Variants in SALL2 observed in about 807,000 individuals in gnomAD.
The protein encoded by SALL2 is sal-like protein 2.
A neutral mutation model predicts 58.5 loss-of-function variants in SALL2; 32 were observed. The observed-to-expected ratio is 0.55, with a 90% CI of 0.41 to 0.74. The LOEUF is 0.74. Ranked by LOEUF, SALL2 falls within the 30% of genes least tolerant of loss-of-function variation. The pLI is 0.00. For missense variants in SALL2, 1,201 were observed against 1,268.9 expected (o/e 0.95, Z 0.81); for synonymous variants, 516 against 513.6 (o/e 1.00, Z -0.06).
rs1003834365 is a variant in SALL2, at chr14:21,521,710, C to G, written c.*994G>C. On this transcript the variant is annotated 3_prime_UTR_variant, in exon 2 of 2. Transcript: ENST00000537235. ...TCATCAACCATGCTGACCAAAAATG[C>G]TCCTTAAAGATACGAACTTCACATT... 1 of 319,728 alleles carries G rather than the reference C, an allele frequency of 3.1e-6. No individual in the cohort carries two copies. Among genetic ancestry groups the G allele is most frequent in the Admixed American group, 4.3e-5 (1 of 23,030 alleles). The allele number at this position is 319,728 out of a possible 1,614,324, so 19.8% of individuals were successfully genotyped here.
chr14:21,526,391 G>T, upstream of SALL2: 1 of 1,393,342 alleles, frequency 7.2e-7, no homozygotes, highest in South Asian at 1.6e-5. Context: ...GGAGCTGCTG[G>T]GGAGGGAGGC....
At chr14:21,535,222 A>G (rs534355417) in intron 1 of SALL2, among the ~76,000 whole-genome samples, 53 of 151,938 alleles carry the variant, frequency 3.5e-4, no homozygotes, top group South Asian at 1.9e-3. Context: ...GCAGGCGCCT[A>G]TAGTTCCAGC....
intron 1 of SALL2, among the ~76,000 whole-genome samples, chr14:21,535,994 T>C (rs976214967): frequency 6.6e-6 from 1 of 152,150 alleles, no homozygotes; most frequent in African/African-American, 2.4e-5. Flanking sequence ...ATTAGGAAAT[T>C]GAAGTTTTTG....
rs916326111 is a variant in SALL2 at position 21,522,713 on chromosome 14, C to T, written c.3009G>A (p.Thr1003=). The change falls in exon 2 of 2, where the codon ACG becomes ACA. Residue 1003 remains threonine (T), a synonymous_variant. Transcript: ENST00000537235. The part of the protein sequence containing the change: ...LSPFPRKDDP[T]IP ...GTACAGAAAAACAGGCTCATGGGAT[C>T]GTGGGGTCATCTTTTCGGGGAAAGG... 12 of 1,524,046 alleles carry T rather than the reference C, an allele frequency of 7.9e-6. No homozygotes were observed. The highest frequency in any genetic ancestry group is 2.8e-5 in the African/African-American group (2 of 71,710). The allele number at this position is 1,524,046 out of a possible 1,614,324, so 94.4% of individuals were successfully genotyped here. A position where few individuals can be genotyped will look rare whatever the true frequency, so the allele number is the denominator to read the frequency against.
At chr14:21,530,482 T>G (rs556983153), upstream of SALL2, among the ~76,000 whole-genome samples, 2 of 152,132 alleles carry the variant, frequency 1.3e-5, no homozygotes, top group South Asian at 4.1e-4. Flanking sequence ...GAGATGGGGT[T>G]TCTCCATGTG....
At chr14:21,526,355 C>G, upstream of SALL2, 1 of 1,368,768 alleles carries the variant, frequency 7.3e-7, no homozygotes, top group Non-Finnish European at 9.4e-7. Flanking sequence ...CTGGGAGGAG[C>G]TGATGAGGAG....
intron 1 of SALL2, among the ~76,000 whole-genome samples, chr14:21,532,972 AAAAT>A (rs777350462): frequency 8.6e-5 from 13 of 151,664 alleles, no homozygotes; most frequent in African/African-American, 1.2e-4. Context: ...CAAAATAATA[AAAAT>A]AAATAAATAA....
chr14:21,522,607 GA>G lies in SALL2; in HGVS notation c.*96del, dbSNP rs1892081702. On this transcript the variant is annotated 3_prime_UTR_variant, in exon 2 of 2. Coordinates refer to ENST00000537235, the MANE Select transcript of SALL2 (RefSeq NM_001364564.1). ...GGACATAACATGTTAAGAACTTAGA[GA>G]AAAAGACAAAATCAGGGCTCATAAC... 5 of 1,470,782 alleles carry G rather than the reference GA, an allele frequency of 3.4e-6. No individual in the cohort carries two copies. Among genetic ancestry groups the G allele is most frequent in the Non-Finnish European group, 4.5e-6 (5 of 1,113,094 alleles). The allele number at this position is 1,470,782 out of a possible 1,614,324, so 91.1% of individuals were successfully genotyped here.
upstream of SALL2, among the ~76,000 whole-genome samples, chr14:21,526,724 G>C: frequency 6.6e-6 from 1 of 152,062 alleles, no homozygotes; most frequent in South Asian, 2.1e-4. Context: ...AGAGAGGGTC[G>C]TCTGATCTCC....
Position 21,524,570 on chromosome 14 carries a change from A to G in SALL2, c.1152T>C (p.Ser384=). The change falls in exon 2 of 2, where the codon AGT becomes AGC. Residue 384 remains serine (S), a synonymous_variant. Transcript: ENST00000537235. The stretch of plus-strand genomic sequence containing the variant: ...GGGAACGAAGGTGGATCTGCAGGGC[A>G]CTGTCACTGCCAAATACTTTGGCAC... ...RFCAKVFGSD[S]ALQIHLRSHT... 1 of 1,614,224 alleles carries G rather than the reference A, an allele frequency of 6.2e-7. No individual in the cohort carries two copies. The highest frequency in any genetic ancestry group is 2.2e-5 in the East Asian group (1 of 44,888).
Position 21,524,780 on chromosome 14 carries a change from C to T in SALL2, c.942G>A (p.Ser314=), listed in dbSNP as rs149602096. The change falls in exon 2 of 2, where the codon TCG becomes TCA. Residue 314 remains serine, a synonymous_variant. Coordinates refer to ENST00000537235, the MANE Select transcript of SALL2 (RefSeq NM_001364564.1). ...LPGSTDQLIA[S]PHLAFPSTTG... is the part of the protein sequence containing the mutation. ...TGGTGCTTGGGAATGCCAGATGAGGCGAGGCAATCAGCTGATCTGTGCTGC... is the reference window on the plus strand; with the variant it reads ...TGGTGCTTGGGAATGCCAGATGAGGTGAGGCAATCAGCTGATCTGTGCTGC... 1.1e-4 allele frequency: 176 copies of T among 1,605,960 alleles called. No homozygotes were observed. In the Middle Eastern group the frequency reaches 1.7e-3, roughly 15 times the overall value.
rs181652432 is a variant in SALL2 at position 21,526,064 on chromosome 14, C to T, written c.64G>A (p.Gly22Arg). The T allele has an allele frequency of 9.3e-4, 1,423 of 1,535,692 alleles. 6 individuals are homozygous for T. The African/African-American group carries it at 0.015, about 16-fold the overall frequency. The change falls in exon 1 of 2, where the codon GGA (glycine) becomes AGA (arginine). Residue 22 changes from glycine to arginine, a missense_variant. Gly to Arg is a moderately radical substitution (Grantham distance 125). Around this residue, in one of 3 missense-constraint regions of SALL2, gnomAD observed 467 missense variants for 468.9 expected, o/e 1.00. Transcript: ENST00000537235. Reference sequence around the variant, plus strand: ...AGCCCGACCGACCCTACCGCACCTCCGAGCTCTGCCGGCTCCCCGCAGGGC... The same window carrying T: ...AGCCCGACCGACCCTACCGCACCTCTGAGCTCTGCCGGCTCCCCGCAGGGC... Reference protein sequence around the residue: ...GVPCGEPAELGGDASEEDHPQ... With the variant: ...GVPCGEPAELRGDASEEDHPQ...
At position 21,523,198 on chromosome 14, in the gene SALL2, C is replaced by CA. The variant is rs775096544; in HGVS notation, c.2523dup (p.Asp842Ter). ...ATTGGCTGAGGCTGATCCAGGCTGT[C>CA]AGGTGGTGGTGGTGGTGGCAAAGAA... On this transcript the variant is annotated frameshift_variant, in exon 2 of 2. Coordinates refer to ENST00000537235, the MANE Select transcript of SALL2 (RefSeq NM_001364564.1). LOFTEE classifies it high-confidence loss of function. This position sits in a 1 kb window ranked among gnomAD's most constrained non-coding sequence, Gnocchi z 4.4. 1 of 1,614,140 alleles carries CA rather than the reference C, an allele frequency of 6.2e-7. No homozygotes were observed. The highest frequency in any genetic ancestry group is 1.3e-5 in the African/African-American group (1 of 75,036).
Position 21,525,041 on chromosome 14 carries a change from TG to T in SALL2, c.680del (p.Thr227LysfsTer85). Reference protein sequence around the residue: ...APASPSELPGTGTASSTKPLL... With the variant: ...APASPSELPGXGTASSTKPLL... ...GGGGCTTGGTGGAAGAGGCAGTCCCTGTCCCAGGTAGCTCTGAGGGACTGGC... is the reference window on the plus strand; with the variant it reads ...GGGGCTTGGTGGAAGAGGCAGTCCCTTCCCAGGTAGCTCTGAGGGACTGGC... On this transcript the variant is annotated frameshift_variant, in exon 2 of 2. Transcript: ENST00000537235. LOFTEE classifies it high-confidence loss of function. This position sits in a 1 kb window ranked among gnomAD's most constrained non-coding sequence, Gnocchi z 4.4. 1.2e-6 allele frequency: 2 copies of T among 1,613,988 alleles called. No individual in the cohort carries two copies. The highest frequency in any genetic ancestry group is 3.3e-5 in the Admixed American group (2 of 59,992).
chr14:21,529,405 A>T (rs1892401551), upstream of SALL2, among the ~76,000 whole-genome samples: 1 of 152,162 alleles, frequency 6.6e-6, no homozygotes, highest in African/African-American at 2.4e-5. Context: ...CTTCAGAGAG[A>T]ACTGTTCGGG....
Position 21,523,695 on chromosome 14 carries a change from A to G in SALL2, c.2027T>C (p.Phe676Ser), listed in dbSNP as rs370986176. 43 of 1,614,082 alleles carry G rather than the reference A, an allele frequency of 2.7e-5. No homozygotes were observed. The highest frequency in any genetic ancestry group is 2.7e-5 in the Non-Finnish European group (32 of 1,180,042). The change falls in exon 2 of 2, where the codon TTC (phenylalanine) becomes TCC (serine). Residue 676 changes from phenylalanine (F) to serine (S), a missense_variant. Around this residue, in one of 3 missense-constraint regions of SALL2, gnomAD observed 675 missense variants for 683.8 expected, o/e 0.99. Coordinates refer to ENST00000537235, the MANE Select transcript of SALL2 (RefSeq NM_001364564.1). The surrounding 1 kb of genome is among the most constrained non-coding windows in gnomAD (Gnocchi z 4.4). ...AGCTGGACTGGCCTTGTGGCCCACG[A>G]AATGTGCACGCAGATTACCCCTGGT... ...FSTRGNLRAH[F>S]VGHKASPAAR...
Position 21,526,077 on chromosome 14 carries a change from C to T in SALL2, c.51G>A (p.Glu17=). 1 of 1,536,386 alleles carries T rather than the reference C, an allele frequency of 6.5e-7. No homozygotes were observed. Among genetic ancestry groups the T allele is most frequent in the Non-Finnish European group, 8.7e-7 (1 of 1,147,014 alleles). Residue 17 remains glutamate, a synonymous_variant, in exon 1 of 2, where the codon GAG becomes GAA. Transcript: ENST00000537235. The stretch of plus-strand genomic sequence containing the variant: ...CTACCGCACCTCCGAGCTCTGCCGG[C>T]TCCCCGCAGGGCACCCCGAGACGAG... The part of the protein sequence containing the change: ...RSSRLGVPCG[E]PAELGGDASE...
At chr14:21,526,637 T>TC, upstream of SALL2, 4 of 347,290 alleles carry the variant, frequency 1.2e-5, no homozygotes, top group Non-Finnish European at 1.7e-5. Context: ...GTAGCCCTGC[T>TC]CAGTGGAGCA....
intron 1 of SALL2, among the ~76,000 whole-genome samples, chr14:21,532,957 C>T (rs958579641): frequency 3.3e-5 from 5 of 151,290 alleles, no homozygotes; most frequent in African/African-American, 1.2e-4. Context: ...AGCGAGACTC[C>T]GTCTCAAAAT....
Sources: allele counts gnomAD v4.1 joint callset (sites outside exome capture counted in the v4.1 genomes callset), GRCh38; gene constraint gnomAD v4.1.1; regional missense constraint gnomAD v4.1.1; non-coding constraint Gnocchi (gnomAD v3.1); transcripts MANE v1.5; gene names NCBI Gene and HGNC (gene_info 2026-07-23, HGNC 2026-07-21).